OPCML: variants seen among roughly 807,000 people sequenced by gnomAD.
The protein encoded by OPCML is opioid-binding protein/cell adhesion molecule.
OPCML carries 13 observed loss-of-function variants against 37.8 expected under a neutral mutation model. The ratio of observed to expected loss-of-function variants is 0.34; its 90% CI spans 0.22 to 0.55. OPCML has a LOEUF of 0.55. Ranked by LOEUF, OPCML falls within the 20% of genes least tolerant of loss-of-function variation. The pLI is 0.91. For synonymous variants in OPCML, 176 were observed against 168.8 expected, an observed-to-expected ratio of 1.04 and a Z score of -0.33; for missense variants, 341 against 435.6, an observed-to-expected ratio of 0.78 and a Z score of 1.93.
rs1451033775 is a variant in OPCML, at chr11:133,055,656, C to A, written c.62-112646G>T. ...GTGGTGAGACTCCATGAGGGAGCCG[C>A]CTCTACCATACAATGCTGCCTCCAT... On this transcript the variant is annotated intron_variant, in intron 1 of 7. Transcript: ENST00000524381. Among the ~76,000 whole-genome samples, 3 of 150,514 alleles carry A rather than the reference C, an allele frequency of 2.0e-5. No individual in the cohort carries two copies. The East Asian group carries it at 6.0e-4, about 30-fold the overall frequency.
In OPCML at chr11:133,270,031, G is replaced by A. The variant is rs1323989567; in HGVS notation, c.61+262233C>T. 6.6e-5 allele frequency among the ~76,000 whole-genome samples: 10 copies of A among 152,252 alleles called. No homozygotes were observed. The East Asian group carries it at 1.2e-3, about 18-fold the overall frequency. ...TGATACTTGGGAGCTCCTGCATGCCGACATTGGAATCTAATTCTCACATTT... is the reference window on the plus strand; with the variant it reads ...TGATACTTGGGAGCTCCTGCATGCCAACATTGGAATCTAATTCTCACATTT... On this transcript the variant is annotated intron_variant, in intron 1 of 7. Transcript: ENST00000524381.
chr11:133,382,481 C>A (rs181816027), intron 1 of OPCML, among the ~76,000 whole-genome samples: 2 of 152,296 alleles, frequency 1.3e-5, no homozygotes, highest in East Asian at 1.9e-4. Context: ...GGCCTGAAGA[C>A]AACACTCTCT....
intron 4 of OPCML, among the ~76,000 whole-genome samples, chr11:132,463,350 C>T (rs1263939576): frequency 6.6e-6 from 1 of 152,204 alleles, no homozygotes; most frequent in Non-Finnish European, 1.5e-5. Flanking sequence ...GTTCTCAGAT[C>T]TCTAAACCTA....
chr11:132,700,249 ACT>A (rs1474698329), intron 2 of OPCML, among the ~76,000 whole-genome samples: 1 of 150,914 alleles, frequency 6.6e-6, no homozygotes, highest in Non-Finnish European at 1.5e-5. Flanking sequence ...TTAAAAAACA[ACT>A]CTGTTTTAAA....
At chr11:132,717,822 C>T (rs960762426) in intron 2 of OPCML, among the ~76,000 whole-genome samples, 1 of 152,040 alleles carries the variant, frequency 6.6e-6, no homozygotes, top group African/African-American at 2.4e-5. Context: ...TGGAAGTCTG[C>T]GATTTTTTGA....
At chr11:133,072,716 G>C (rs1258230964) in intron 1 of OPCML, among the ~76,000 whole-genome samples, 1 of 152,234 alleles carries the variant, frequency 6.6e-6, no homozygotes, top group African/African-American at 2.4e-5. Flanking sequence ...GGGACAGACA[G>C]TGAGTGCTGA....
chr11:132,444,639 T>C (rs1350830937), intron 4 of OPCML, among the ~76,000 whole-genome samples: 1 of 152,152 alleles, frequency 6.6e-6, no homozygotes, highest in Non-Finnish European at 1.5e-5. Flanking sequence ...GTTTGAAAAC[T>C]TAATCCCTGC....
chr11:132,934,077 T>C (rs1261887313), intron 2 of OPCML, among the ~76,000 whole-genome samples: 1 of 152,176 alleles, frequency 6.6e-6, no homozygotes, highest in Non-Finnish European at 1.5e-5. Context: ...TAATTACACA[T>C]AAGCAGGGTA....
chr11:133,076,082 TTTG>T (rs1366349665), intron 1 of OPCML, among the ~76,000 whole-genome samples: 1 of 152,218 alleles, frequency 6.6e-6, no homozygotes, highest in Non-Finnish European at 1.5e-5. Context: ...TTACTCTTGG[TTTG>T]TTATTTTTTA....
chr11:132,818,587 T>TTAGATAGATAGATAGATAGATAGATAGA (rs1555193663), intron 2 of OPCML, among the ~76,000 whole-genome samples: 1 of 137,990 alleles, frequency 7.2e-6, no homozygotes, highest in African/African-American at 2.7e-5. Flanking sequence ...TCTCTCTCTC[T>TTAGATAGATAGATAGATAGATAGATAGA]TAGATAGATA....
chr11:132,818,053 C>A (rs1403672367), intron 2 of OPCML, among the ~76,000 whole-genome samples: 1 of 152,104 alleles, frequency 6.6e-6, no homozygotes, highest in Non-Finnish European at 1.5e-5. Context: ...TAGAATCCCA[C>A]AGACCTGAGA....
At chr11:133,340,443 TC>T (rs1565581115) in intron 1 of OPCML, among the ~76,000 whole-genome samples, 1 of 152,180 alleles carries the variant, frequency 6.6e-6, no homozygotes, top group African/African-American at 2.4e-5. Context: ...CCTGTACTTT[TC>T]CCCACCTCCT....
chr11:133,032,162 G>A (rs1947686795), intron 1 of OPCML, among the ~76,000 whole-genome samples: 1 of 152,128 alleles, frequency 6.6e-6, no homozygotes, highest in African/African-American at 2.4e-5. Flanking sequence ...CTGGGATCTG[G>A]TGGGGCTAGC....
intron 1 of OPCML, among the ~76,000 whole-genome samples, chr11:133,366,651 C>A (rs1260843516): frequency 1.3e-5 from 2 of 150,460 alleles, no homozygotes; most frequent in African/African-American, 2.4e-5. Flanking sequence ...GAATTAATCT[C>A]AAAAAAAAAG....
rs143642091 is a variant in OPCML at position 132,636,848 on chromosome 11, A to G, written c.379+20239T>C. On this transcript the variant is annotated intron_variant, in intron 3 of 7. Transcript: ENST00000524381. ...GTCTGCTCACTAATAAGCTTCATAAATATTTTTCCCTTCTCTTGAACTTAA... is the reference window on the plus strand; with the variant it reads ...GTCTGCTCACTAATAAGCTTCATAAGTATTTTTCCCTTCTCTTGAACTTAA... Among the ~76,000 whole-genome samples, 324 of 152,302 alleles carry G rather than the reference A, an allele frequency of 2.1e-3. 3 individuals carry two copies. The highest frequency in any genetic ancestry group is 7.3e-3 in the African/African-American group (302 of 41,554).
intron 2 of OPCML, among the ~76,000 whole-genome samples, chr11:132,851,172 T>A (rs1941793214): frequency 6.6e-6 from 1 of 152,252 alleles, no homozygotes; most frequent in South Asian, 2.1e-4. Context: ...TATCCTATTA[T>A]ACACAGTGCC....
intron 1 of OPCML, among the ~76,000 whole-genome samples, chr11:133,515,559 T>A (rs993694535): frequency 3.3e-5 from 5 of 152,032 alleles, no homozygotes; most frequent in Non-Finnish European, 5.9e-5. Context: ...TACAAAACCA[T>A]AACAATCAAG....
intron 1 of OPCML, among the ~76,000 whole-genome samples, chr11:133,193,478 C>T (rs982254313): frequency 1.8e-4 from 28 of 152,238 alleles, no homozygotes; most frequent in Admixed American, 5.2e-4. Flanking sequence ...TGAGAGATTG[C>T]CCCCATTTAT....
chr11:133,411,945 CA>C (rs1314830448), intron 1 of OPCML, among the ~76,000 whole-genome samples: 7 of 152,252 alleles, frequency 4.6e-5, no homozygotes, highest in African/African-American at 1.7e-4. Context: ...AAACATTTAT[CA>C]CCTCTTGCCC....
Sources: allele counts gnomAD v4.1 joint callset (sites outside exome capture counted in the v4.1 genomes callset), GRCh38; gene constraint gnomAD v4.1.1; transcripts MANE v1.5; gene names NCBI Gene and HGNC (gene_info 2026-07-23, HGNC 2026-07-21).